TBL1XR1: variants seen among roughly 807,000 people sequenced by gnomAD.
TBL1XR1 encodes the protein TBL1X/Y related 1.
In TBL1XR1, 5 loss-of-function variants were observed where a neutral mutation model predicts 66.9. The observed-to-expected ratio is 0.07, with a 90% CI of 0.04 to 0.16. The LOEUF is 0.16. TBL1XR1 is among the 10% of genes least tolerant of loss of function. The probability of loss-of-function intolerance (pLI) is 1.00; values close to 1 mark genes in which losing one functional copy is unlikely to be tolerated. For synonymous variants in TBL1XR1, 210 were observed against 206.0 expected, an observed-to-expected ratio of 1.02 and a Z score of -0.17; for missense variants, 238 against 623.2, an observed-to-expected ratio of 0.38 and a Z score of 6.58.
At chr3:177,178,162 A>C (rs1487329563) in intron 1 of TBL1XR1, among the ~76,000 whole-genome samples, 3 of 152,208 alleles carry the variant, frequency 2.0e-5, no homozygotes, top group Admixed American at 6.5e-5. Context: ...AAGGTGAAAC[A>C]AGATAAGGTT....
At chr3:177,157,697 T>C (rs1731681954) in intron 1 of TBL1XR1, among the ~76,000 whole-genome samples, 1 of 152,154 alleles carries the variant, frequency 6.6e-6, no homozygotes, top group African/African-American at 2.4e-5. Context: ...CAAAATGGAA[T>C]GGAATTCCAT....
chr3:177,098,452 T>G lies in TBL1XR1; in HGVS notation c.-46+14A>C. The G allele has an allele frequency of 1.0e-6, 1 of 983,550 alleles. No individual in the cohort carries two copies. The allele number at this position is 983,550 out of a possible 1,614,324, so 60.9% of individuals were successfully genotyped here. On this transcript the variant is annotated intron_variant, in intron 2 of 15. Transcript: ENST00000457928. ...GAATAAGAAACACTGACATTGGGAG[T>G]TGGAGAGTCTTACCATTGGCAGTGC...
intron 1 of TBL1XR1, among the ~76,000 whole-genome samples, chr3:177,193,707 G>T (rs6784814): frequency 0.022 from 3,408 of 152,224 alleles, 139 homozygotes; most frequent in African/African-American, 0.078. Flanking sequence ...ATTTAGTACA[G>T]ACGCTCAACT....
At chr3:177,049,065 C>G (rs766843505) in intron 7 of TBL1XR1, among the ~76,000 whole-genome samples, 1 of 152,148 alleles carries the variant, frequency 6.6e-6, no homozygotes, top group Non-Finnish European at 1.5e-5. Context: ...AGTAAATATG[C>G]TGCTGGCAAT....
intron 1 of TBL1XR1, among the ~76,000 whole-genome samples, chr3:177,111,271 AT>A (rs10569471): frequency 0.18 from 25,707 of 143,930 alleles, 2,336 homozygotes; most frequent in Admixed American, 0.28. Context: ...ACTATGATTG[AT>A]TTTTTTTTTT....
intron 1 of TBL1XR1, among the ~76,000 whole-genome samples, chr3:177,101,123 C>T (rs554485077): frequency 6.6e-6 from 1 of 152,268 alleles, no homozygotes; most frequent in East Asian, 1.9e-4. Context: ...TCCCAAACTG[C>T]TGGGATTACA....
chr3:177,033,272 G>A, intron 13 of TBL1XR1, 136 bp from the exon 14 acceptor site: 1 of 538,362 alleles, frequency 1.9e-6, no homozygotes, highest in East Asian at 3.2e-5. Context: ...TGGACTGTTA[G>A]GAAGAATATT....
chr3:177,198,043 GGGCATGTGGGGGAGTGCGGCGC>G (rs1011573274), upstream of TBL1XR1, among the ~76,000 whole-genome samples: 8 of 151,928 alleles, frequency 5.3e-5, no homozygotes, highest in South Asian at 4.1e-4. Context: ...CACACGCGGC[GGGCATGTGGGGGAGTGCGGCGC>G]GGCATCATAT....
chr3:177,190,846 C>A (rs571526893), intron 1 of TBL1XR1, among the ~76,000 whole-genome samples: 48 of 152,332 alleles, frequency 3.2e-4, no homozygotes, highest in Non-Finnish European at 5.7e-4. Context: ...ATTAAGAACT[C>A]TGCCAAATGC....
At chr3:177,141,855 A>C (rs142137938) in intron 1 of TBL1XR1, among the ~76,000 whole-genome samples, 1 of 152,356 alleles carries the variant, frequency 6.6e-6, no homozygotes, top group East Asian at 1.9e-4. Context: ...ATATACAGTG[A>C]AACATTAACC....
At chr3:177,039,200 A>T (rs748861689) in intron 10 of TBL1XR1, among the ~76,000 whole-genome samples, 4 of 152,182 alleles carry the variant, frequency 2.6e-5, no homozygotes, top group African/African-American at 4.8e-5. Flanking sequence ...ATATTCCGAA[A>T]TCAGAAAAAA....
chr3:177,087,971 A>C (rs1223273325), intron 2 of TBL1XR1, among the ~76,000 whole-genome samples: 1 of 152,190 alleles, frequency 6.6e-6, no homozygotes, highest in Non-Finnish European at 1.5e-5. Flanking sequence ...CTTTTGTTTT[A>C]ACATTACCGT....
At chr3:177,115,909 C>A (rs1329650655) in intron 1 of TBL1XR1, among the ~76,000 whole-genome samples, 2 of 152,100 alleles carry the variant, frequency 1.3e-5, no homozygotes, top group African/African-American at 4.8e-5. Context: ...CCAGAGGCAG[C>A]CATATTGATC....
chr3:177,064,907 T>G lies in TBL1XR1; in HGVS notation c.58+13A>C. ...AATAATTTGAGGCCTATTTACTTTATAAAAGTACTCACCTGACTCTTGCAA... is the reference window on the plus strand; with the variant it reads ...AATAATTTGAGGCCTATTTACTTTAGAAAAGTACTCACCTGACTCTTGCAA... On this transcript the variant is annotated intron_variant, in intron 3 of 15. Coordinates refer to ENST00000457928, the MANE Select transcript of TBL1XR1 (RefSeq NM_024665.7). 1 of 1,487,514 alleles carries G rather than the reference T, an allele frequency of 6.7e-7. No homozygotes were observed. Among genetic ancestry groups the G allele is most frequent in the Non-Finnish European group, 9.1e-7 (1 of 1,099,700 alleles). 92.1% of individuals were successfully genotyped at this position (1,487,514 alleles called of 1,614,324 possible). A position where few individuals can be genotyped will look rare whatever the true frequency, so the allele number is the denominator to read the frequency against.
Position 177,071,031 on chromosome 3 carries a change from G to GTTTTTTTTTTTTTTTTTT in TBL1XR1, c.-45-6010_-45-6009insAAAAAAAAAAAAAAAAAA, listed in dbSNP as rs764951521. 3.4e-4 allele frequency among the ~76,000 whole-genome samples: 36 copies of GTTTTTTTTTTTTTTTTTT among 104,682 alleles called. 2 individuals are homozygous for GTTTTTTTTTTTTTTTTTT. The highest frequency in any genetic ancestry group is 6.6e-4 in the East Asian group (2 of 3,050). The allele number at this position is 104,682 out of a possible 152,430, so 68.7% of individuals were successfully genotyped here. A position where few individuals can be genotyped will look rare whatever the true frequency, so the allele number is the denominator to read the frequency against. ...TGGAACAGACATGTTCTGAGAATCT[G>GTTTTTTTTTTTTTTTTTT]TTTTTTTTTTTTTTTTTGAGACAGA... On this transcript the variant is annotated intron_variant, in intron 2 of 15. Transcript: ENST00000457928.
chr3:177,049,868 C>A, intron 7 of TBL1XR1, 129 bp downstream of exon 7: 1 of 1,022,586 alleles, frequency 9.8e-7, no homozygotes, highest in Non-Finnish European at 1.4e-6. Flanking sequence ...GGGGACGACT[C>A]CCGGTTTGTT....
intron 4 of TBL1XR1, among the ~76,000 whole-genome samples, chr3:177,053,314 G>A (rs1231479902): frequency 6.6e-6 from 1 of 152,152 alleles, no homozygotes; most frequent in African/African-American, 2.4e-5. Context: ...GAGAAAAACA[G>A]GGAGGAGCAT....
chr3:177,087,310 A>G (rs9850999), intron 2 of TBL1XR1, among the ~76,000 whole-genome samples: 2,486 of 152,046 alleles, frequency 0.016, 87 homozygotes, highest in East Asian at 0.057. Flanking sequence ...TCTGTTCTAT[A>G]ATCATAAGCC....
intron 2 of TBL1XR1, among the ~76,000 whole-genome samples, chr3:177,095,926 C>T (rs1723424466): frequency 6.6e-6 from 1 of 151,988 alleles, no homozygotes; most frequent in Non-Finnish European, 1.5e-5. Context: ...GATGGATATC[C>T]CACTTATCCT....
Sources: allele counts gnomAD v4.1 joint callset (sites outside exome capture counted in the v4.1 genomes callset), GRCh38; gene constraint gnomAD v4.1.1; transcripts MANE v1.5; gene names NCBI Gene and HGNC (gene_info 2026-07-23, HGNC 2026-07-21).